The following SCHIP1 variants were observed in gnomAD, a reference collection of about 807,000 sequenced individuals.
The protein encoded by SCHIP1 is schwannomin interacting protein 1.
SCHIP1 carries 8 observed loss-of-function variants against 29.7 expected under a neutral mutation model. The observed-to-expected ratio is 0.27, with a 90% CI of 0.16 to 0.49. SCHIP1 has a LOEUF of 0.49. Ranked by LOEUF, SCHIP1 falls within the 20% of genes least tolerant of loss-of-function variation. The pLI is 0.99. For missense variants in SCHIP1, 193 were observed against 294.6 expected, an observed-to-expected ratio of 0.66 and a Z score of 2.52; for synonymous variants, 76 against 94.9, an observed-to-expected ratio of 0.80 and a Z score of 1.16.
At chr3:159,331,936 G>A in the SCHIP1 span, among the ~76,000 whole-genome samples, 1 of 152,110 alleles carries the variant, frequency 6.6e-6, no homozygotes, top group African/African-American at 2.4e-5. Context: ...CATATACTGT[G>A]CATGCCACCC....
At chr3:159,680,292 C>T in the SCHIP1 span, among the ~76,000 whole-genome samples, 255 of 151,478 alleles carry the variant, frequency 1.7e-3, 1 homozygote, top group Non-Finnish European at 2.2e-3. Flanking sequence ...GGGCGGATCA[C>T]GAGGTCAAGA....
chr3:159,633,244 A>C, the SCHIP1 span, among the ~76,000 whole-genome samples: 2,113 of 152,334 alleles, frequency 0.014, 62 homozygotes, highest in Non-Finnish European at 0.015. Context: ...GTATCTATAT[A>C]CATATAATAA....
chr3:159,814,491 G>A, the SCHIP1 span, among the ~76,000 whole-genome samples: 1 of 152,238 alleles, frequency 6.6e-6, no homozygotes, highest in Non-Finnish European at 1.5e-5. Context: ...GTATAGCAGA[G>A]AGTAAACAGA....
the SCHIP1 span, among the ~76,000 whole-genome samples, chr3:159,831,921 C>T: frequency 6.6e-6 from 1 of 152,282 alleles, no homozygotes; most frequent in South Asian, 2.1e-4. Context: ...TTTACTTACT[C>T]ATTATCTAAA....
At chr3:159,618,507 G>A in the SCHIP1 span, among the ~76,000 whole-genome samples, 5 of 152,274 alleles carry the variant, frequency 3.3e-5, no homozygotes, top group African/African-American at 1.2e-4. Flanking sequence ...AAGCTCCTTG[G>A]AAACCCTGAA....
chr3:159,676,324 G>A, the SCHIP1 span, among the ~76,000 whole-genome samples: 1 of 152,078 alleles, frequency 6.6e-6, no homozygotes, highest in Non-Finnish European at 1.5e-5. Context: ...GATAAACAGT[G>A]GTATTCTGTT....
At chr3:159,635,611 T>C in the SCHIP1 span, among the ~76,000 whole-genome samples, 1 of 152,170 alleles carries the variant, frequency 6.6e-6, no homozygotes, top group Admixed American at 6.6e-5. Flanking sequence ...AGTATATGAA[T>C]GAGAAAATGA....
chr3:159,291,520 T>A, the SCHIP1 span, among the ~76,000 whole-genome samples: 1 of 152,100 alleles, frequency 6.6e-6, no homozygotes, highest in Admixed American at 6.6e-5. Context: ...AAATAATAGA[T>A]TATGATCTAA....
the SCHIP1 span, among the ~76,000 whole-genome samples, chr3:159,584,401 C>T: frequency 1.2e-4 from 18 of 152,258 alleles, no homozygotes; most frequent in South Asian, 4.1e-4. Flanking sequence ...TTTCAAGAAG[C>T]TCAAATTTGT....
intron 2 of SCHIP1, among the ~76,000 whole-genome samples, chr3:159,873,988 A>G (rs1484672652): frequency 6.6e-6 from 1 of 152,190 alleles, no homozygotes; most frequent in Non-Finnish European, 1.5e-5. Flanking sequence ...AGTGTAATTA[A>G]AGGAATAGAA....
chr3:159,583,303 T>C, the SCHIP1 span, among the ~76,000 whole-genome samples: 2 of 152,168 alleles, frequency 1.3e-5, no homozygotes, highest in African/African-American at 4.8e-5. Context: ...AACTTTTCCC[T>C]ATCACCAATC....
At chr3:159,383,566 G>A in the SCHIP1 span, among the ~76,000 whole-genome samples, 1 of 148,904 alleles carries the variant, frequency 6.7e-6, no homozygotes, top group African/African-American at 2.5e-5. Context: ...TGTTCTTTTG[G>A]CTTAGGATTG....
At chr3:159,785,394 C>T in the SCHIP1 span, among the ~76,000 whole-genome samples, 67 of 152,232 alleles carry the variant, frequency 4.4e-4, no homozygotes, top group Admixed American at 2.8e-3. Flanking sequence ...GTAGTGAAAG[C>T]TTTTTTCATA....
At chr3:159,498,572 G>T in the SCHIP1 span, among the ~76,000 whole-genome samples, 1 of 152,024 alleles carries the variant, frequency 6.6e-6, no homozygotes, top group Non-Finnish European at 1.5e-5. Context: ...GGAAGTTTAG[G>T]AATGTCCATT....
At chr3:159,680,547 T>C in the SCHIP1 span, among the ~76,000 whole-genome samples, 6 of 117,690 alleles carry the variant, frequency 5.1e-5, no homozygotes, top group Non-Finnish European at 8.3e-5. Context: ...TATATGTATA[T>C]ATATAATATA....
the SCHIP1 span, among the ~76,000 whole-genome samples, chr3:159,654,174 A>G: frequency 2.0e-5 from 3 of 152,184 alleles, no homozygotes; most frequent in African/African-American, 7.2e-5. Context: ...TTCCTCCAAG[A>G]GTATCTTCCT....
chr3:159,360,079 GACA>G, the SCHIP1 span, among the ~76,000 whole-genome samples: 1 of 152,256 alleles, frequency 6.6e-6, no homozygotes, highest in South Asian at 2.1e-4. Context: ...TGCATGAATG[GACA>G]AATGTAAATA....
At chr3:159,713,079 T>A in the SCHIP1 span, among the ~76,000 whole-genome samples, 2 of 149,970 alleles carry the variant, frequency 1.3e-5, no homozygotes, top group African/African-American at 2.5e-5. Flanking sequence ...TGCTTGAACC[T>A]GTGAGGCAGA....
At chr3:159,895,310 A>G (rs1327450386) in intron 6 of SCHIP1, among the ~76,000 whole-genome samples, 2 of 152,106 alleles carry the variant, frequency 1.3e-5, no homozygotes, top group Admixed American at 1.3e-4. Context: ...CCTGTTTCTG[A>G]AAGTATTTGT....
Sources: allele counts gnomAD v4.1 joint callset (sites outside exome capture counted in the v4.1 genomes callset), GRCh38; gene constraint gnomAD v4.1.1; transcripts MANE v1.5; gene names NCBI Gene and HGNC (gene_info 2026-07-23, HGNC 2026-07-21).